Variants in CLIC5 observed in about 807,000 individuals in gnomAD.
CLIC5 encodes CLIC family member 5, also known as chloride intracellular channel protein 5.
Under a neutral mutation model 24.7 loss-of-function variants are expected in CLIC5, and 20 were observed. The ratio of observed to expected loss-of-function variants is 0.81; its 90% CI spans 0.57 to 1.18. The LOEUF is 1.18. Ranked by LOEUF, CLIC5 falls within the 50% of genes most tolerant of loss-of-function variation. CLIC5 has a pLI of 0.00. For missense variants in CLIC5, 341 were observed against 326.1 expected (o/e 1.05, Z -0.35); for synonymous variants, 159 against 135.6 (o/e 1.17, Z -1.20).
chr6:45,929,626 C>G (rs984251618), intron 4 of CLIC5, among the ~76,000 whole-genome samples: 1 of 152,192 alleles, frequency 6.6e-6, no homozygotes, highest in Non-Finnish European at 1.5e-5. Flanking sequence ...AGTGGTGAGA[C>G]GGTCACATGT....
At chr6:45,939,820 T>G (rs1764068314) in intron 4 of CLIC5, among the ~76,000 whole-genome samples, 1 of 149,536 alleles carries the variant, frequency 6.7e-6, no homozygotes, top group African/African-American at 2.5e-5. Context: ...AAAAACAAGT[T>G]TTTTTTTTTT....
upstream of CLIC5, among the ~76,000 whole-genome samples, chr6:46,016,876 C>A (rs1044356332): frequency 3.3e-5 from 5 of 152,192 alleles, no homozygotes; most frequent in Non-Finnish European, 5.9e-5. Flanking sequence ...TTGTGAGATT[C>A]ATCCATTGTG....
chr6:46,089,147 A>G, the CLIC5 span, among the ~76,000 whole-genome samples: 1 of 152,240 alleles, frequency 6.6e-6, no homozygotes, highest in Non-Finnish European at 1.5e-5. Context: ...GGCAAATTAC[A>G]GAATTGTGGC....
At chr6:45,996,527 G>C (rs1766146444) in intron 1 of CLIC5, among the ~76,000 whole-genome samples, 1 of 152,134 alleles carries the variant, frequency 6.6e-6, no homozygotes, top group Non-Finnish European at 1.5e-5. Context: ...TTTTGTATAA[G>C]GTGTAGGGAA....
chr6:45,921,329 G>A (rs1300912418), intron 4 of CLIC5, among the ~76,000 whole-genome samples: 6 of 152,194 alleles, frequency 3.9e-5, no homozygotes, highest in Non-Finnish European at 8.8e-5. Context: ...CTCTGGCTAT[G>A]TTTGCATGTC....
chr6:46,009,383 G>A (rs1027390973), intron 1 of CLIC5, among the ~76,000 whole-genome samples: 6 of 152,160 alleles, frequency 3.9e-5, no homozygotes, highest in African/African-American at 1.2e-4. Flanking sequence ...GTCATTTAGC[G>A]AACTGGAAGA....
At chr6:45,930,360 G>A (rs1292298230) in intron 4 of CLIC5, among the ~76,000 whole-genome samples, 1 of 152,180 alleles carries the variant, frequency 6.6e-6, no homozygotes, top group African/African-American at 2.4e-5. Context: ...GCATTTGGGG[G>A]TAGTTGTCAT....
At chr6:46,098,913 G>A in the CLIC5 span, among the ~76,000 whole-genome samples, 7 of 152,160 alleles carry the variant, frequency 4.6e-5, no homozygotes, top group Non-Finnish European at 7.3e-5. Flanking sequence ...TGGTGCCAGC[G>A]CAGAACTGGC....
chr6:46,038,131 T>C (rs903773777), intron 1 of CLIC5, among the ~76,000 whole-genome samples: 1 of 152,144 alleles, frequency 6.6e-6, no homozygotes, highest in Non-Finnish European at 1.5e-5. Context: ...AATTCTCAAG[T>C]AGAAGGGACC....
At chr6:46,090,108 A>G in the CLIC5 span, among the ~76,000 whole-genome samples, 1 of 152,370 alleles carries the variant, frequency 6.6e-6, no homozygotes, top group East Asian at 1.9e-4. Context: ...TATATGCTCT[A>G]TAAAAAAGTA....
chr6:46,027,729 A>G (rs565765372), intron 1 of CLIC5, among the ~76,000 whole-genome samples: 37 of 152,360 alleles, frequency 2.4e-4, no homozygotes, highest in Middle Eastern at 3.4e-3. Flanking sequence ...ATATTATTCT[A>G]AGACACCTTT....
At chr6:46,092,850 C>T in the CLIC5 span, among the ~76,000 whole-genome samples, 1 of 152,152 alleles carries the variant, frequency 6.6e-6, no homozygotes, top group Non-Finnish European at 1.5e-5. Context: ...GAAGTCCCAA[C>T]CAAATACTAA....
At chr6:45,930,262 T>C (rs1288187835) in intron 4 of CLIC5, among the ~76,000 whole-genome samples, 1 of 152,198 alleles carries the variant, frequency 6.6e-6, no homozygotes, top group Non-Finnish European at 1.5e-5. Context: ...CTCTGAATCC[T>C]TTCAAGCACT....
chr6:45,955,992 C>A (rs947578725), intron 1 of CLIC5, among the ~76,000 whole-genome samples: 1 of 152,140 alleles, frequency 6.6e-6, no homozygotes, highest in African/African-American at 2.4e-5. Flanking sequence ...CTCCAAGGAG[C>A]TTATGGCCTT....
At chr6:45,986,927 T>C (rs1285685706) in intron 1 of CLIC5, among the ~76,000 whole-genome samples, 2 of 152,216 alleles carry the variant, frequency 1.3e-5, no homozygotes, top group Non-Finnish European at 2.9e-5. Flanking sequence ...ATATTATTTG[T>C]ACACAATTCC....
At chr6:45,916,265 G>A (rs1763028777) in intron 4 of CLIC5, among the ~76,000 whole-genome samples, 1 of 152,164 alleles carries the variant, frequency 6.6e-6, no homozygotes, top group East Asian at 1.9e-4. Flanking sequence ...TTTCCAGTTT[G>A]GGAGAACAGA....
chr6:45,887,774 T>A (rs1050890727), intron 6 of CLIC5, among the ~76,000 whole-genome samples: 1 of 152,154 alleles, frequency 6.6e-6, no homozygotes, highest in African/African-American at 2.4e-5. Flanking sequence ...TGATGTAACA[T>A]AACGCGTAAT....
intron 4 of CLIC5, among the ~76,000 whole-genome samples, chr6:45,931,990 A>G (rs990764387): frequency 3.3e-5 from 5 of 152,120 alleles, no homozygotes; most frequent in African/African-American, 1.2e-4. Context: ...CGTACAATCA[A>G]TGACACCTTA....
intron 1 of CLIC5, among the ~76,000 whole-genome samples, chr6:46,041,127 A>ATTTTG (rs1170202161): frequency 6.6e-6 from 1 of 152,254 alleles, no homozygotes; most frequent in East Asian, 1.9e-4. Context: ...AAATATGCAT[A>ATTTTG]TGAAAAACTA....
Sources: gnomAD v4.1 joint callset for allele counts (sites outside exome capture counted in the v4.1 genomes callset) on GRCh38, gnomAD v4.1.1 for gene constraint, MANE v1.5 for transcripts, NCBI Gene and HGNC (gene_info 2026-07-23, HGNC 2026-07-21) for gene names.